Variants in ATP2B1 observed in about 807,000 individuals in gnomAD.
ATP2B1 encodes ATPase plasma membrane Ca2+ transporting 1, also known as plasma membrane calcium-transporting ATPase 1.
ATP2B1 carries 14 observed loss-of-function variants against 124.2 expected under a neutral mutation model. The ratio of observed to expected loss-of-function variants is 0.11; its 90% CI spans 0.07 to 0.18. The LOEUF is 0.18. Ranked by LOEUF, ATP2B1 falls within the 10% of genes least tolerant of loss-of-function variation. ATP2B1 has a pLI of 1.00. For missense variants in ATP2B1, 763 were observed against 1,466.1 expected, an observed-to-expected ratio of 0.52 and a Z score of 7.83; for synonymous variants, 449 against 492.4, an observed-to-expected ratio of 0.91 and a Z score of 1.17.
At chr12:89,634,949 G>A in intron 4 of ATP2B1, 46 bp from the exon 5 acceptor site, 1 of 1,610,092 alleles carries the variant, frequency 6.2e-7, no homozygotes. Context: ...CAAGATTACA[G>A]TAATTTTATG....
At position 89,647,916 on chromosome 12, in the gene ATP2B1, C is replaced by T. The variant is rs576537456; in HGVS notation, c.209-5561G>A. Reference sequence around the variant, plus strand: ...TCTCACTCTCACTCTCATCATGTAACGTGCCTGCTCCTGCTTCACCTTCTG... The same window carrying T: ...TCTCACTCTCACTCTCATCATGTAATGTGCCTGCTCCTGCTTCACCTTCTG... On this transcript the variant is annotated intron_variant, in intron 2 of 20. Coordinates refer to ENST00000428670, the MANE Select transcript of ATP2B1 (RefSeq NM_001366521.1). Among the ~76,000 whole-genome samples the T allele has an allele frequency of 1.2e-4, 18 of 152,254 alleles. No individual in the cohort carries two copies. The East Asian group carries it at 3.3e-3, about 28-fold the overall frequency.
At chr12:89,703,721 C>T (rs1402478160) in intron 1 of ATP2B1, among the ~76,000 whole-genome samples, 2 of 152,060 alleles carry the variant, frequency 1.3e-5, no homozygotes, top group African/African-American at 4.8e-5. Flanking sequence ...TTCTGAAAGA[C>T]TGGGCATACA....
rs1313753997 is a variant in ATP2B1 at position 89,642,286 on chromosome 12, T to C, written c.278A>G (p.Lys93Arg). The change falls in exon 3 of 21, where the codon AAA becomes AGA. Residue 93 changes from lysine to arginine, a missense_variant. Lys to Arg is a conservative substitution (Grantham distance 26). Around this residue, in one of 7 missense-constraint regions of ATP2B1, gnomAD observed 93 missense variants for 112.7 expected, o/e 0.83. Coordinates refer to ENST00000428670, the MANE Select transcript of ATP2B1 (RefSeq NM_001366521.1). ...TAATTGAAGAAAGGTTTTTGGCTTTTTAGGAGGTATAAAATTCTTTCCAAA... is the reference window on the plus strand; with the variant it reads ...TAATTGAAGAAAGGTTTTTGGCTTTCTAGGAGGTATAAAATTCTTTCCAAA... The part of the protein sequence containing the change: ...AVFGKNFIPP[K>R]KPKTFLQLVW... The C allele has an allele frequency of 6.2e-7, 1 of 1,613,760 alleles. No individual in the cohort carries two copies. Among genetic ancestry groups the C allele is most frequent in the Non-Finnish European group, 8.5e-7 (1 of 1,179,922 alleles).
At chr12:89,690,570 TTGC>T (rs945556575) in intron 1 of ATP2B1, among the ~76,000 whole-genome samples, 3 of 151,902 alleles carry the variant, frequency 2.0e-5, no homozygotes, top group African/African-American at 7.2e-5. Context: ...TTAAACAGTT[TTGC>T]TTTTTTTAAA....
In ATP2B1 at chr12:89,621,802, CA is replaced by C. The variant is rs35089871; in HGVS notation, c.1345-12del. ...ATCTTTCATCATTTTCTACAGTGAC[CA>C]AAAAAAAAAAACTAGTTAAGCTGCA... On this transcript the variant is annotated splice_polypyrimidine_tract_variant and intron_variant, in intron 9 of 20. Transcript: ENST00000428670. 670 of 1,187,764 alleles carry C rather than the reference CA, an allele frequency of 5.6e-4. No homozygotes were observed. The highest frequency in any genetic ancestry group is 1.8e-3 in the South Asian group (96 of 52,062). The allele number at this position is 1,187,764 out of a possible 1,614,324, so 73.6% of individuals were successfully genotyped here.
intron 2 of ATP2B1, among the ~76,000 whole-genome samples, chr12:89,644,278 A>G (rs1161849919): frequency 2.0e-5 from 3 of 152,250 alleles, no homozygotes; most frequent in Non-Finnish European, 4.4e-5. Context: ...GAAGACAGGA[A>G]AACAGTAGAT....
At chr12:89,634,701 A>G in intron 5 of ATP2B1, 77 bp downstream of exon 5, 1 of 1,393,002 alleles carries the variant, frequency 7.2e-7, no homozygotes, top group Non-Finnish European at 9.7e-7. Flanking sequence ...ATTGACTCTT[A>G]GGAAAATGGT....
chr12:89,704,357 CTG>C (rs1462450463), intron 1 of ATP2B1, among the ~76,000 whole-genome samples: 3 of 152,138 alleles, frequency 2.0e-5, no homozygotes, highest in Non-Finnish European at 2.9e-5. Context: ...AAAACACAAA[CTG>C]TTTGTATTAC....
chr12:89,691,751 C>T (rs1325081113), intron 1 of ATP2B1, among the ~76,000 whole-genome samples: 1 of 152,102 alleles, frequency 6.6e-6, no homozygotes, highest in Non-Finnish European at 1.5e-5. Flanking sequence ...CTTTCCACTT[C>T]CCAGCATTCT....
intron 3 of ATP2B1, among the ~76,000 whole-genome samples, chr12:89,639,636 A>G (rs897567493): frequency 5.9e-5 from 9 of 151,550 alleles, no homozygotes; most frequent in Non-Finnish European, 1.5e-5. Flanking sequence ...ATGGAGCAAA[A>G]AAATCTTTAT....
chr12:89,602,403 C>A (rs1247640483), intron 18 of ATP2B1, among the ~76,000 whole-genome samples: 1 of 152,094 alleles, frequency 6.6e-6, no homozygotes, highest in African/African-American at 2.4e-5. Flanking sequence ...TGGTAGTTAA[C>A]ATTTTAAAAC....
intron 1 of ATP2B1, among the ~76,000 whole-genome samples, chr12:89,671,606 G>A (rs1887994410): frequency 6.6e-6 from 1 of 152,078 alleles, no homozygotes; most frequent in African/African-American, 2.4e-5. Flanking sequence ...ACCGGTCTTT[G>A]AGAAGTTAAG....
At chr12:89,683,407 C>T (rs1210977736) in intron 1 of ATP2B1, among the ~76,000 whole-genome samples, 1 of 152,282 alleles carries the variant, frequency 6.6e-6, no homozygotes, top group East Asian at 1.9e-4. Context: ...TCTTGGAATG[C>T]CCACTCTTCG....
intron 1 of ATP2B1, among the ~76,000 whole-genome samples, chr12:89,663,713 T>A (rs188668391): frequency 6.6e-6 from 1 of 152,334 alleles, no homozygotes; most frequent in East Asian, 1.9e-4. Flanking sequence ...CAGGTGACCA[T>A]TGATCCTGTT....
intron 11 of ATP2B1, among the ~76,000 whole-genome samples, chr12:89,619,618 T>TAAAAAAAAAAA (rs367554417): frequency 8.1e-6 from 1 of 123,104 alleles, no homozygotes; most frequent in Non-Finnish European, 1.7e-5. Flanking sequence ...CTTAAACAAA[T>TAAAAAAAAAAA]AAAAAAAAAA....
At chr12:89,671,448 AGAGTT>A (rs1887971509) in intron 1 of ATP2B1, among the ~76,000 whole-genome samples, 1 of 152,214 alleles carries the variant, frequency 6.6e-6, no homozygotes, top group African/African-American at 2.4e-5. Context: ...ACTACTTACC[AGAGTT>A]AAGAGGAGGA....
intron 1 of ATP2B1, 43 bp downstream of exon 1, chr12:89,708,552 GC>G (rs1892804393): frequency 6.6e-6 from 1 of 150,428 alleles, no homozygotes; most frequent in South Asian, 2.2e-4. Context: ...CAGGTGACCT[GC>G]CCCGCCGCCC....
intron 13 of ATP2B1, 131 bp from the exon 14 acceptor site, chr12:89,610,639 T>C (rs1877816142): frequency 2.7e-6 from 2 of 732,450 alleles, no homozygotes; most frequent in Non-Finnish European, 4.6e-6. Flanking sequence ...GGGAACTTGT[T>C]AGAAACGTGA....
intron 3 of ATP2B1, among the ~76,000 whole-genome samples, chr12:89,638,827 C>T (rs1883085253): frequency 1.3e-5 from 2 of 152,192 alleles, no homozygotes; most frequent in South Asian, 2.1e-4. Context: ...TATCCATCAC[C>T]TCATATAGTT....
Sources: allele counts gnomAD v4.1 joint callset (sites outside exome capture counted in the v4.1 genomes callset), GRCh38; gene constraint gnomAD v4.1.1; regional missense constraint gnomAD v4.1.1; transcripts MANE v1.5; gene names NCBI Gene and HGNC (gene_info 2026-07-23, HGNC 2026-07-21).